MACF1: variants seen among roughly 807,000 people sequenced by gnomAD.
MACF1 encodes the protein microtubule actin crosslinking factor 1.
Under a neutral mutation model 854.8 loss-of-function variants are expected in MACF1, and 193 were observed. The observed-to-expected ratio is 0.23, with a 90% CI of 0.20 to 0.25. MACF1 has a LOEUF of 0.25. MACF1 is among the 10% of genes least tolerant of loss of function. The pLI, the probability that MACF1 is intolerant of heterozygous loss-of-function variation, is 1.00. For missense variants in MACF1, 7,722 were observed against 8,929.1 expected, an observed-to-expected ratio of 0.86 and a Z score of 5.45; for synonymous variants, 3,185 against 3,226.7, an observed-to-expected ratio of 0.99 and a Z score of 0.44.
chr1:39,206,853 C>T (rs981573882), intron 1 of MACF1: 2 of 152,040 alleles, frequency 1.3e-5, no homozygotes, highest in African/African-American at 4.8e-5. Flanking sequence ...ATAATATGTA[C>T]ACTCTAATTA....
intron 31 of MACF1, among the ~76,000 whole-genome samples, chr1:39,321,309 G>A (rs1190135799): frequency 6.6e-6 from 1 of 152,188 alleles, no homozygotes; most frequent in Non-Finnish European, 1.5e-5. Flanking sequence ...TGATTGTAAA[G>A]ATTAAATGAG....
At chr1:39,245,690 C>T (rs987416539) in intron 2 of MACF1, among the ~76,000 whole-genome samples, 3 of 152,178 alleles carry the variant, frequency 2.0e-5, no homozygotes, top group African/African-American at 7.2e-5. Flanking sequence ...GAGTTCGAGA[C>T]TAGCCTGGGC....
chr1:39,261,682 T>C lies in MACF1; in HGVS notation c.528+3654T>C, dbSNP rs569928551. Among the ~76,000 whole-genome samples the C allele has an allele frequency of 3.3e-5, 5 of 152,360 alleles. No individual in the cohort carries two copies. The East Asian group carries it at 9.6e-4, about 29-fold the overall frequency. ...AATATTCTGTTGTATGGATATATCATGTATTTTGTTTAAATATTAAGCCAG... is the reference window on the plus strand; with the variant it reads ...AATATTCTGTTGTATGGATATATCACGTATTTTGTTTAAATATTAAGCCAG... On this transcript the variant is annotated intron_variant, in intron 6 of 100. Coordinates refer to ENST00000564288, the MANE Select transcript of MACF1 (RefSeq NM_001394062.1).
Position 39,335,251 on chromosome 1 carries a change from C to G in MACF1, c.8663C>G (p.Ser2888Cys), listed in dbSNP as rs1248993552. 6.2e-7 allele frequency: 1 copy of G among 1,613,934 alleles called. No homozygotes were observed. Among genetic ancestry groups the G allele is most frequent in the African/African-American group, 1.3e-5 (1 of 75,024 alleles). Residue 2888 changes from serine (S) to cysteine (C), a missense_variant, in exon 37 of 101, where the codon TCT becomes TGT. By Grantham distance (112) the Ser-to-Cys change is moderately radical. Around this residue, in one of 15 missense-constraint regions of MACF1, gnomAD observed 854 missense variants for 852.6 expected, o/e 1.00. Transcript: ENST00000564288. ...LGQVSLTHPY[S>C]ECDFKLKEVA... ...CAAGTGTCATTGACACACCCTTACT[C>G]TGAATGTGATTTTAAACTTAAAGAA...
In MACF1 at chr1:39,335,716, A is replaced by C; in HGVS notation, c.9128A>C (p.Glu3043Ala). The change falls in exon 37 of 101, where the codon GAG (glutamate) becomes GCG (alanine). Residue 3043 changes from glutamate (E) to alanine (A), a missense_variant. Physicochemically the swap from Glu to Ala is moderately radical, Grantham distance 107. This residue lies in a region of MACF1 where 854 missense variants were observed against 852.6 expected (regional missense o/e 1.00). Coordinates refer to ENST00000564288, the MANE Select transcript of MACF1 (RefSeq NM_001394062.1). ...MGFSITFKIE[E>A]SSSQVVPQGI... ...TTTTCTATTACTTTTAAAATTGAAG[A>C]GTCCTCTTCCCAAGTGGTACCTCAA... 9.9e-6 allele frequency: 16 copies of C among 1,613,530 alleles called. No homozygotes were observed. Among genetic ancestry groups the C allele is most frequent in the Non-Finnish European group, 1.3e-5 (15 of 1,179,888 alleles).
At chr1:39,130,110 G>A (rs1287315212) in intron 2 of MACF1, among the ~76,000 whole-genome samples, 1 of 151,838 alleles carries the variant, frequency 6.6e-6, no homozygotes, top group African/African-American at 2.4e-5. Context: ...TTGAAATGTC[G>A]GTACCTGCCC....
In MACF1 at chr1:39,207,759, C is replaced by T. The variant is rs551861152; in HGVS notation, c.109+2628C>T. 1.5e-3 allele frequency among the ~76,000 whole-genome samples: 235 copies of T among 152,118 alleles called. 3 individuals are homozygous for T. Among genetic ancestry groups the T allele is most frequent in the Non-Finnish European group, 1.3e-3 (86 of 68,008 alleles). The stretch of plus-strand genomic sequence containing the variant: ...GTGAATCAGTTCTTAAAAATTGATT[C>T]TTGTCTACGGCCATACCACCCCAAA... On this transcript the variant is annotated intron_variant, in intron 1 of 100. Coordinates refer to ENST00000564288, the MANE Select transcript of MACF1 (RefSeq NM_001394062.1).
intron 2 of MACF1, among the ~76,000 whole-genome samples, chr1:39,156,136 A>T (rs530100333): frequency 6.6e-6 from 1 of 152,126 alleles, no homozygotes; most frequent in African/African-American, 2.4e-5. Context: ...CGGCCTCCCA[A>T]AGTGCTGGGA....
chr1:39,348,906 A>G (rs1397817349), intron 41 of MACF1, among the ~76,000 whole-genome samples: 1 of 152,164 alleles, frequency 6.6e-6, no homozygotes, highest in African/African-American at 2.4e-5. Flanking sequence ...TCCTTCTCAA[A>G]ATAGCCAAAT....
chr1:39,102,708 C>G, intron 2 of MACF1: 1 of 698,986 alleles, frequency 1.4e-6, no homozygotes, highest in Non-Finnish European at 2.6e-6. Flanking sequence ...ACTAGATGCC[C>G]TTCCGAGTAC....
rs539001359 is a variant in MACF1, at chr1:39,217,840, C to T, written c.109+12709C>T. On this transcript the variant is annotated intron_variant, in intron 1 of 100. Transcript: ENST00000564288. ...CTGGGAGGCAGAGATTTCAGTGAGC[C>T]GGGATCCACTCCAGCCTGGGTGATA... Among the ~76,000 whole-genome samples, 7 of 143,508 alleles carry T rather than the reference C, an allele frequency of 4.9e-5. No homozygotes were observed. In the East Asian group the frequency reaches 6.2e-4, roughly 13 times the overall value. 94.1% of individuals were successfully genotyped at this position (143,508 alleles called of 152,430 possible). A position where few individuals can be genotyped will look rare whatever the true frequency, so the allele number is the denominator to read the frequency against.
rs1026849615 is a variant in MACF1 at position 39,146,477 on chromosome 1, G to T, written c.220+62039G>T. Among the ~76,000 whole-genome samples, 30 of 149,290 alleles carry T rather than the reference G, an allele frequency of 2.0e-4. No individual in the cohort carries two copies. In the East Asian group the frequency reaches 5.5e-3, roughly 27 times the overall value. On this transcript the variant is annotated intron_variant, in intron 2 of 93. Transcript: ENST00000361689. ...AAAAAAAAAAAAAGAAAGAAAGAAA[G>T]AAAATGTACATATACACAATAGAGT...
intron 93 of MACF1, 108 bp from the exon 94 acceptor site, chr1:39,463,504 A>T: frequency 1.3e-6 from 1 of 746,072 alleles, no homozygotes; most frequent in Non-Finnish European, 2.3e-6. Context: ...AAAAAAAAAA[A>T]ATGTAAATAA....
chr1:39,357,557 G>A lies in MACF1; in HGVS notation c.11607G>A (p.Leu3869=), dbSNP rs550468933. 1.9e-6 allele frequency: 3 copies of A among 1,614,194 alleles called. No individual in the cohort carries two copies. Among genetic ancestry groups the A allele is most frequent in the South Asian group, 1.1e-5 (1 of 91,082 alleles). Residue 3869 remains leucine (L), a synonymous_variant, in exon 45 of 101, where the codon CTG becomes CTA. Transcript: ENST00000564288. ...CCCTGGCCCAATCAGAGGCAGAACT[G>A]AAGCAGGTGCAGACACTTCAGGATG... is the stretch of plus-strand genomic sequence containing the variant. ...STSLAQSEAE[L]KQVQTLQDEL...
At chr1:39,201,955 C>CTTTTTTT (rs748333630), upstream of MACF1, among the ~76,000 whole-genome samples, 3 of 52,360 alleles carry the variant, frequency 5.7e-5, no homozygotes, top group African/African-American at 1.7e-4. Context: ...TGCTCATATT[C>CTTTTTTT]TTTTTTTTTT....
Position 39,335,409 on chromosome 1 carries a change from G to A in MACF1, c.8821G>A (p.Glu2941Lys), listed in dbSNP as rs140119894. 1,519 of 1,614,144 alleles carry A rather than the reference G, an allele frequency of 9.4e-4. 21 individuals carry two copies. The African/African-American group carries it at 0.018, about 19-fold the overall frequency. ...TGAAGAAATAAGAGAAAATCAAGGG[G>A]AAGTGATTTTGGAAGTACAAGAAAC... is the stretch of plus-strand genomic sequence containing the variant. ...DSEEIRENQG[E>K]VILEVQETYC... The change falls in exon 37 of 101, where the codon GAA (glutamate) becomes AAA (lysine). Residue 2941 changes from glutamate (E) to lysine (K), a missense_variant. Transcript: ENST00000564288.
In MACF1 at chr1:39,480,922, T is replaced by C; in HGVS notation, c.22173T>C (p.Thr7391=). ...SPATPASGTK[T]SLQFSRCYDK... ...CCCTTTGGATTTCCGTTTCACAGAC[T>C]TCACTTCAGTTCTCTCGCTGTTATG... The change falls in exon 99 of 101, where the codon ACT becomes ACC. Residue 7391 remains threonine, a splice_region_variant and synonymous_variant. Transcript: ENST00000564288. The C allele has an allele frequency of 6.5e-7, 1 of 1,534,484 alleles. No individual in the cohort carries two copies. The highest frequency in any genetic ancestry group is 8.8e-7 in the Non-Finnish European group (1 of 1,131,938).
chr1:39,315,443 A>C, intron 26 of MACF1, 70 bp from the exon 27 acceptor site: 1 of 1,450,506 alleles, frequency 6.9e-7, no homozygotes, highest in Non-Finnish European at 9.6e-7. Context: ...AGCTATTACA[A>C]ATGTGGACTT....
chr1:39,144,977 G>C (rs965395980), intron 2 of MACF1, among the ~76,000 whole-genome samples: 1 of 152,076 alleles, frequency 6.6e-6, no homozygotes, highest in South Asian at 2.1e-4. Flanking sequence ...TATGGTGTCA[G>C]TGCTTCCTGA....
Sources: allele counts gnomAD v4.1 joint callset (sites outside exome capture counted in the v4.1 genomes callset), GRCh38; gene constraint gnomAD v4.1.1; regional missense constraint gnomAD v4.1.1; transcripts MANE v1.5; gene names NCBI Gene and HGNC (gene_info 2026-07-23, HGNC 2026-07-21).